The following GRXCR2 variants were observed in gnomAD, a reference collection of about 807,000 sequenced individuals.
GRXCR2 encodes the protein glutaredoxin and cysteine rich domain containing 2.
Under a neutral mutation model 24.8 loss-of-function variants are expected in GRXCR2, and 23 were observed. The observed-to-expected ratio is 0.93, with a 90% CI of 0.67 to 1.32. The LOEUF is 1.32. GRXCR2 is among the 40% of genes most tolerant of loss of function. The pLI is 0.00. For missense variants in GRXCR2, 315 were observed against 303.4 expected (o/e 1.04, Z -0.28); for synonymous variants, 130 against 116.1 (o/e 1.12, Z -0.77).
intron 2 of GRXCR2, among the ~76,000 whole-genome samples, chr5:145,921,053 G>T (rs943439050): frequency 2.0e-5 from 3 of 152,180 alleles, no homozygotes; most frequent in African/African-American, 7.2e-5. Flanking sequence ...TTGGGGATTT[G>T]TTATAGCATC....
At chr5:145,888,608 C>T (rs1447302155) in intron 2 of GRXCR2, among the ~76,000 whole-genome samples, 4 of 151,884 alleles carry the variant, frequency 2.6e-5, no homozygotes, top group South Asian at 4.2e-4. Context: ...AAGTAATACA[C>T]GAATACAGTG....
intron 2 of GRXCR2, among the ~76,000 whole-genome samples, chr5:145,916,152 G>T (rs555219592): frequency 1.3e-5 from 2 of 152,248 alleles, no homozygotes; most frequent in South Asian, 4.2e-4. Flanking sequence ...GCTTCTGCTG[G>T]GGCAGAAATC....
chr5:145,895,866 A>G (rs1467462242), intron 2 of GRXCR2, among the ~76,000 whole-genome samples: 1 of 152,170 alleles, frequency 6.6e-6, no homozygotes, highest in Non-Finnish European at 1.5e-5. Flanking sequence ...GCATCACACT[A>G]CCTGACTTCA....
intron 2 of GRXCR2, among the ~76,000 whole-genome samples, chr5:145,882,468 G>C (rs1248870133): frequency 1.3e-5 from 2 of 152,156 alleles, no homozygotes; most frequent in African/African-American, 4.8e-5. Flanking sequence ...AAACCACAAT[G>C]AGATACCATC....
At chr5:145,879,429 C>T (rs531346171) in intron 2 of GRXCR2, among the ~76,000 whole-genome samples, 6 of 147,146 alleles carry the variant, frequency 4.1e-5, no homozygotes, top group African/African-American at 1.5e-4. Flanking sequence ...AGACTTTAAA[C>T]CTACAAAGAT....
chr5:145,883,144 A>G (rs188563111), intron 2 of GRXCR2, among the ~76,000 whole-genome samples: 1 of 152,058 alleles, frequency 6.6e-6, no homozygotes, highest in Non-Finnish European at 1.5e-5. Flanking sequence ...CATGTTGTGC[A>G]CTTGTCCCCT....
chr5:145,885,004 T>C (rs1217023419), intron 2 of GRXCR2, among the ~76,000 whole-genome samples: 1 of 152,232 alleles, frequency 6.6e-6, no homozygotes, highest in African/African-American at 2.4e-5. Flanking sequence ...TAGCGATCTT[T>C]CCACATCTAA....
chr5:145,911,943 A>C (rs1418134994), intron 2 of GRXCR2, among the ~76,000 whole-genome samples: 2 of 152,144 alleles, frequency 1.3e-5, no homozygotes, highest in Admixed American at 6.5e-5. Flanking sequence ...ACAACAACAA[A>C]AAAATTAGCC....
upstream of GRXCR2, among the ~76,000 whole-genome samples, chr5:145,873,886 G>C (rs1262278352): frequency 1.3e-5 from 2 of 152,220 alleles, no homozygotes; most frequent in East Asian, 3.8e-4. Flanking sequence ...CCTGAGAACA[G>C]TCCTACAATC....
intron 2 of GRXCR2, among the ~76,000 whole-genome samples, chr5:145,896,971 C>A (rs925425543): frequency 6.6e-6 from 1 of 151,966 alleles, no homozygotes; most frequent in African/African-American, 2.4e-5. Flanking sequence ...AGGATGAGTT[C>A]ATGTCCTTTG....
At chr5:145,899,296 T>C (rs1189640833) in intron 2 of GRXCR2, among the ~76,000 whole-genome samples, 1 of 152,050 alleles carries the variant, frequency 6.6e-6, no homozygotes, top group Admixed American at 6.6e-5. Flanking sequence ...TACTCATGGA[T>C]TGAAAAAATC....
intron 2 of GRXCR2, among the ~76,000 whole-genome samples, chr5:145,865,774 A>C (rs1423941990): frequency 6.6e-6 from 1 of 152,230 alleles, no homozygotes; most frequent in East Asian, 1.9e-4. Context: ...ATGACTTTAC[A>C]TGATGTCTTC....
intron 2 of GRXCR2, among the ~76,000 whole-genome samples, chr5:145,895,128 C>T (rs942355398): frequency 2.6e-5 from 4 of 151,992 alleles, no homozygotes; most frequent in East Asian, 1.9e-4. Context: ...ATTGATGGGA[C>T]GTATCTCAAA....
intron 2 of GRXCR2, among the ~76,000 whole-genome samples, chr5:145,903,457 A>G (rs1226610143): frequency 6.6e-6 from 1 of 151,750 alleles, no homozygotes; most frequent in Non-Finnish European, 1.5e-5. Flanking sequence ...CTTACTCCCT[A>G]TCCTTCATCA....
intron 2 of GRXCR2, among the ~76,000 whole-genome samples, chr5:145,879,752 C>A (rs1756672475): frequency 6.6e-6 from 1 of 152,182 alleles, no homozygotes; most frequent in Admixed American, 6.5e-5. Flanking sequence ...AATATACATT[C>A]TTCTCAGCAC....
intron 2 of GRXCR2, among the ~76,000 whole-genome samples, chr5:145,927,212 C>T (rs1475814999): frequency 6.6e-5 from 10 of 152,274 alleles, no homozygotes; most frequent in South Asian, 2.1e-4. Flanking sequence ...TAATTGAATA[C>T]CCTTTATTTC....
chr5:145,872,987 G>C lies in GRXCR2; in HGVS notation c.-19C>G. The C allele has an allele frequency of 2.5e-6, 4 of 1,608,136 alleles. No individual in the cohort carries two copies. The highest frequency in any genetic ancestry group is 3.4e-6 in the Non-Finnish European group (4 of 1,175,116). ...CCTCCATCAGCAGAAAGTTGACCCT[G>C]TGGTCTCCAGCCTTCCGTGCAGCCG... On this transcript the variant is annotated 5_prime_UTR_variant, in exon 1 of 3. Transcript: ENST00000377976.
intron 2 of GRXCR2, among the ~76,000 whole-genome samples, chr5:145,921,327 C>T (rs1757318184): frequency 6.6e-6 from 1 of 152,162 alleles, no homozygotes. Context: ...AGGGTGAATG[C>T]ACATGTAGCA....
At chr5:145,880,519 TC>T (rs745586707) in intron 2 of GRXCR2, among the ~76,000 whole-genome samples, 1 of 151,924 alleles carries the variant, frequency 6.6e-6, no homozygotes, top group Non-Finnish European at 1.5e-5. Flanking sequence ...AATAACAGAC[TC>T]TGAAATTGAG....
Sources: allele counts gnomAD v4.1 joint callset (sites outside exome capture counted in the v4.1 genomes callset), GRCh38; gene constraint gnomAD v4.1.1; transcripts MANE v1.5; gene names NCBI Gene and HGNC (gene_info 2026-07-23, HGNC 2026-07-21).